GATA4: variants seen among roughly 807,000 people sequenced by gnomAD.
The protein encoded by GATA4 is GATA binding protein 4, also known as transcription factor GATA-4.
In GATA4, 7 loss-of-function variants were observed where a neutral mutation model predicts 37.9. That is an observed-to-expected ratio of 0.18 (90% CI 0.11 to 0.35). GATA4 has a LOEUF of 0.35. GATA4 is among the 10% of genes least tolerant of loss of function. GATA4 has a pLI of 1.00. For synonymous variants in GATA4, 372 were observed against 292.6 expected (o/e 1.27, Z -2.77); for missense variants, 647 against 653.0 (o/e 0.99, Z 0.10).
chr8:11,738,017 C>G (rs1031761392), intron 2 of GATA4, among the ~76,000 whole-genome samples: 1 of 151,888 alleles, frequency 6.6e-6, no homozygotes, highest in African/African-American at 2.4e-5. Context: ...CCTGTCTCTG[C>G]TAAAAATACA....
upstream of GATA4, among the ~76,000 whole-genome samples, chr8:11,691,814 C>T (rs1481965195): frequency 6.6e-6 from 1 of 152,126 alleles, no homozygotes; most frequent in Non-Finnish European, 1.5e-5. Flanking sequence ...TCTATGGCGC[C>T]CCAAACAAAA....
chr8:11,708,445 C>T lies in GATA4; in HGVS notation c.133C>T (p.Pro45Ser). The T allele has an allele frequency of 6.5e-7, 1 of 1,533,232 alleles. No homozygotes were observed. Among genetic ancestry groups the T allele is most frequent in the Non-Finnish European group, 8.7e-7 (1 of 1,145,864 alleles). The allele number at this position is 1,533,232 out of a possible 1,614,324, so 95.0% of individuals were successfully genotyped here. A position where few individuals can be genotyped will look rare whatever the true frequency, so the allele number is the denominator to read the frequency against. ...SPVYVPTPRV[P>S]SSVLGLSYLQ... ...AGTCTACGTGCCCACACCGCGGGTG[C>T]CCTCCTCCGTGCTGGGCCTGTCCTA... The change falls in exon 2 of 7, where the codon CCC (proline) becomes TCC (serine). Residue 45 changes from proline (P) to serine (S), a missense_variant. By Grantham distance (74) the Pro-to-Ser change is moderately conservative. Around this residue, in one of 5 missense-constraint regions of GATA4, gnomAD observed 379 missense variants for 334.5 expected, o/e 1.13. Transcript: ENST00000532059. The surrounding 1 kb of genome is among the most constrained non-coding windows in gnomAD (Gnocchi z 6.7).
At chr8:11,681,309 T>C in intron 1 of GATA4, 1 of 985,404 alleles carries the variant, frequency 1.0e-6, no homozygotes. Context: ...GAGCACTGTC[T>C]TCACCACTTC....
chr8:11,713,421 C>T (rs1014026059), intron 2 of GATA4, among the ~76,000 whole-genome samples: 1 of 151,736 alleles, frequency 6.6e-6, no homozygotes, highest in Non-Finnish European at 1.5e-5. Context: ...GGTAATTGCC[C>T]CAGGACTCTG....
At chr8:11,730,945 C>T (rs1224563196) in intron 2 of GATA4, among the ~76,000 whole-genome samples, 1 of 152,234 alleles carries the variant, frequency 6.6e-6, no homozygotes, top group African/African-American at 2.4e-5. Flanking sequence ...GCCCAGTGCC[C>T]ACTGAGGTGC....
At position 11,709,857 on chromosome 8, in the gene GATA4, G is replaced by C. The variant is rs901943826; in HGVS notation, c.616+929G>C. On this transcript the variant is annotated intron_variant, in intron 2 of 6. Transcript: ENST00000532059. This position sits in a 1 kb window ranked among gnomAD's most constrained non-coding sequence, Gnocchi z 4.3. ...AAGGGGCCTGAGTACACGGGCCGGG[G>C]GAGAAAGGGAAGTGGCAACCCCTAG... is the stretch of plus-strand genomic sequence containing the variant. Among the ~76,000 whole-genome samples the C allele has an allele frequency of 6.6e-6, 1 of 152,194 alleles. No individual in the cohort carries two copies. Among genetic ancestry groups the C allele is most frequent in the Non-Finnish European group, 1.5e-5 (1 of 68,034 alleles).
At chr8:11,739,508 C>A (rs1486043762) in intron 2 of GATA4, among the ~76,000 whole-genome samples, 1 of 147,596 alleles carries the variant, frequency 6.8e-6, no homozygotes, top group African/African-American at 2.6e-5. Flanking sequence ...TTTATATACA[C>A]ACATGTATGT....
At chr8:11,712,573 G>C (rs912653848) in intron 2 of GATA4, among the ~76,000 whole-genome samples, 48 of 151,796 alleles carry the variant, frequency 3.2e-4, no homozygotes, top group African/African-American at 9.9e-4. Flanking sequence ...CAAAGAAAAA[G>C]AGGCCAGGTG....
At chr8:11,684,319 G>T (rs1410476217) in intron 1 of GATA4, among the ~76,000 whole-genome samples, 4 of 152,326 alleles carry the variant, frequency 2.6e-5, no homozygotes, top group African/African-American at 9.6e-5. Context: ...TACAAGCTGG[G>T]TGACCTTGAG....
intron 1 of GATA4, among the ~76,000 whole-genome samples, chr8:11,685,637 T>C (rs978064484): frequency 6.6e-6 from 1 of 152,242 alleles, no homozygotes; most frequent in Non-Finnish European, 1.5e-5. Context: ...GGAGTGATTT[T>C]TCCACAAGGA....
chr8:11,699,074 C>G (rs940958807), intron 1 of GATA4, among the ~76,000 whole-genome samples: 9 of 152,360 alleles, frequency 5.9e-5, no homozygotes, highest in African/African-American at 2.2e-4. Context: ...TCACCCAACA[C>G]TTATTGAGCA....
At chr8:11,697,509 T>G in intron 1 of GATA4, 1 of 978,476 alleles carries the variant, frequency 1.0e-6, no homozygotes, top group Non-Finnish European at 1.2e-6. Context: ...GGGCACCTGC[T>G]GCAGTTGGGG....
chr8:11,746,714 G>A (rs1802051093), intron 2 of GATA4, among the ~76,000 whole-genome samples: 1 of 152,226 alleles, frequency 6.6e-6, no homozygotes, highest in African/African-American at 2.4e-5. Flanking sequence ...GTTGATTGTG[G>A]TGGTCCAGCT....
chr8:11,694,440 T>G, intron 1 of GATA4: 2 of 981,724 alleles, frequency 2.0e-6, no homozygotes, highest in Non-Finnish European at 2.4e-6. Flanking sequence ...TTTCTTTTCT[T>G]CCCCCAGAAC....
chr8:11,744,937 T>A (rs1338006637), intron 2 of GATA4, among the ~76,000 whole-genome samples: 1 of 152,234 alleles, frequency 6.6e-6, no homozygotes, highest in Non-Finnish European at 1.5e-5. Flanking sequence ...AAAAATGAAC[T>A]AATATTATTA....
chr8:11,698,159 A>C (rs756920396), intron 1 of GATA4, among the ~76,000 whole-genome samples: 1 of 151,884 alleles, frequency 6.6e-6, no homozygotes, highest in Non-Finnish European at 1.5e-5. Context: ...AGCTCGCCTT[A>C]ACTTCCCAGG....
intron 2 of GATA4, among the ~76,000 whole-genome samples, chr8:11,724,150 T>A (rs61574109): frequency 0.011 from 1,700 of 152,310 alleles, 28 homozygotes; most frequent in African/African-American, 0.039. Flanking sequence ...TGTCTTTTTT[T>A]TTTAAGGCTG....
At chr8:11,743,285 C>T (rs745337995) in intron 2 of GATA4, among the ~76,000 whole-genome samples, 6 of 152,272 alleles carry the variant, frequency 3.9e-5, no homozygotes, top group Non-Finnish European at 5.9e-5. Context: ...TTCGTTACGT[C>T]TAGCACTTGG....
intron 2 of GATA4, among the ~76,000 whole-genome samples, chr8:11,713,813 C>G (rs1246099427): frequency 6.6e-6 from 1 of 152,194 alleles, no homozygotes; most frequent in African/African-American, 2.4e-5. Context: ...TGTGGTGGAG[C>G]TCTGCGGATA....
Sources: gnomAD v4.1 joint callset for allele counts (sites outside exome capture counted in the v4.1 genomes callset) on GRCh38, gnomAD v4.1.1 for gene constraint, gnomAD v4.1.1 regional missense constraint, Gnocchi (gnomAD v3.1) non-coding constraint, MANE v1.5 for transcripts, NCBI Gene and HGNC (gene_info 2026-07-23, HGNC 2026-07-21) for gene names.